NLRP7: variants seen among roughly 807,000 people sequenced by gnomAD.
NLRP7 encodes NLR family pyrin domain containing 7.
Under a neutral mutation model 85.5 loss-of-function variants are expected in NLRP7, and 72 were observed. The observed-to-expected ratio is 0.84, with a 90% CI of 0.70 to 1.02. NLRP7 has a LOEUF of 1.02. Among genes scored for constraint, NLRP7 ranks in the 50% least tolerant of loss-of-function variants. The pLI is 0.00. For missense variants in NLRP7, 1,243 were observed against 1,219.5 expected, an observed-to-expected ratio of 1.02 and a Z score of -0.29; for synonymous variants, 550 against 505.2, an observed-to-expected ratio of 1.09 and a Z score of -1.19.
chr19:54,949,757 G>A (rs1447180834), upstream of NLRP7, among the ~76,000 whole-genome samples: 1 of 152,126 alleles, frequency 6.6e-6, no homozygotes, highest in East Asian at 1.9e-4. Flanking sequence ...TGAACTGCCA[G>A]CTATGTGATC....
At chr19:54,964,883 C>T (rs1424349630) in intron 1 of NLRP7, among the ~76,000 whole-genome samples, 3 of 119,114 alleles carry the variant, frequency 2.5e-5, no homozygotes, top group Non-Finnish European at 3.6e-5. Context: ...GCTTTTCATG[C>T]GTCTCATAGT....
At chr19:54,957,114 C>T (rs544983015) in intron 1 of NLRP7, among the ~76,000 whole-genome samples, 17 of 151,996 alleles carry the variant, frequency 1.1e-4, no homozygotes, top group African/African-American at 2.7e-4. Context: ...CTCCACCTCC[C>T]GGGTTCAAGT....
chr19:54,925,055 G>A (rs564685025), intron 9 of NLRP7, among the ~76,000 whole-genome samples: 2 of 152,292 alleles, frequency 1.3e-5, no homozygotes, highest in African/African-American at 4.8e-5. Context: ...CAGCATGCAA[G>A]CCTGTGTATG....
chr19:54,943,459 G>T (rs2069324379), intron 1 of NLRP7, among the ~76,000 whole-genome samples: 1 of 151,842 alleles, frequency 6.6e-6, no homozygotes, highest in Non-Finnish European at 1.5e-5. Flanking sequence ...CAATTAGCCG[G>T]GCGTGGTGGC....
rs145142601 is a variant in NLRP7 at position 54,934,588 on chromosome 19, A to G, written c.2372T>C (p.Leu791Pro). 2.5e-6 allele frequency: 4 copies of G among 1,614,026 alleles called. No homozygotes were observed. In the African/African-American group the frequency reaches 4.0e-5, roughly 16 times the overall value. The change falls in exon 7 of 10, where the codon CTG (leucine) becomes CCG (proline). Residue 791 changes from leucine to proline, a missense_variant. Leu to Pro is a moderately conservative substitution (Grantham distance 98). Around this residue, in one of 3 missense-constraint regions of NLRP7, gnomAD observed 613 missense variants for 588.4 expected, o/e 1.04. Transcript: ENST00000340844. The surrounding 1 kb of genome is among the most constrained non-coding windows in gnomAD (Gnocchi z 6.7). ...ATTGGCTGAGAGACGCAGGTGCTTC[A>G]GGGACTGGTTGGCTTTGAGGACATA...
chr19:54,930,099 G>C (rs2068610144), intron 9 of NLRP7, among the ~76,000 whole-genome samples: 2 of 117,514 alleles, frequency 1.7e-5, no homozygotes, highest in Non-Finnish European at 3.3e-5. Flanking sequence ...TGGGCAACTA[G>C]AACGAGGCTC....
In NLRP7 at chr19:54,961,403, C is replaced by T. The variant is rs1046255225; in HGVS notation, c.-77+4637G>A. On this transcript the variant is annotated intron_variant, in intron 1 of 2. Coordinates refer to the NLRP7 transcript ENST00000587103. ...CGGGAGCCTATAATCCCAGCTAGGG[C>T]AGGAGAATCACTTGAACCCGGGAGG... Among the ~76,000 whole-genome samples the T allele has an allele frequency of 2.0e-5, 3 of 151,828 alleles. No individual in the cohort carries two copies. In the East Asian group the frequency reaches 5.8e-4, roughly 29 times the overall value.
At chr19:54,950,789 G>A (rs1196858685), upstream of NLRP7, among the ~76,000 whole-genome samples, 4 of 152,156 alleles carry the variant, frequency 2.6e-5, no homozygotes, top group African/African-American at 9.6e-5. Context: ...GCAAAGAGGT[G>A]TTCCTTCCTC....
Position 54,964,068 on chromosome 19 carries a change from A to G in NLRP7, c.-77+1972T>C, listed in dbSNP as rs529248696. 3.3e-5 allele frequency among the ~76,000 whole-genome samples: 5 copies of G among 149,870 alleles called. No individual in the cohort carries two copies. In the South Asian group the frequency reaches 1.1e-3, roughly 32 times the overall value. The stretch of plus-strand genomic sequence containing the variant: ...CTAATTTTTTGTATTTTTAGTTGAG[A>G]CGGGGTTTCATCATCTTGGCCAGGC... On this transcript the variant is annotated intron_variant, in intron 1 of 2. Coordinates refer to the NLRP7 transcript ENST00000587103.
At chr19:54,943,147 C>CAA (rs34287816) in intron 1 of NLRP7, among the ~76,000 whole-genome samples, 2 of 139,574 alleles carry the variant, frequency 1.4e-5, no homozygotes, top group African/African-American at 2.6e-5. Context: ...AACTCTATCT[C>CAA]AAAAAAAAAA....
At chr19:54,958,916 G>C (rs2365586) in intron 1 of NLRP7, among the ~76,000 whole-genome samples, 1 of 151,876 alleles carries the variant, frequency 6.6e-6, no homozygotes, top group Non-Finnish European at 1.5e-5. Flanking sequence ...CAGGGGTTTC[G>C]TGCACTGCTG....
intron 1 of NLRP7, among the ~76,000 whole-genome samples, chr19:54,952,611 TA>T (rs2069706799): frequency 6.7e-6 from 1 of 148,810 alleles, no homozygotes; most frequent in Non-Finnish European, 1.5e-5. Context: ...AAAAAAACCC[TA>T]GACCCAAACT....
At chr19:54,936,292 T>C in exon 6 of NLRP7, 1 of 1,613,872 alleles carries the variant, frequency 6.2e-7, no homozygotes, top group Non-Finnish European at 8.5e-7. Context: ...TTATGATTTC[T>C]GAGCAGGTCA....
chr19:54,963,696 C>T (rs1007428332), intron 1 of NLRP7, among the ~76,000 whole-genome samples: 49 of 151,458 alleles, frequency 3.2e-4, no homozygotes, highest in African/African-American at 1.1e-3. Context: ...CAGTGGCACG[C>T]GCCTGTAATC....
intron 8 of NLRP7, among the ~76,000 whole-genome samples, chr19:54,933,194 G>A (rs1176648659): frequency 6.6e-6 from 1 of 152,110 alleles, no homozygotes; most frequent in Non-Finnish European, 1.5e-5. Flanking sequence ...CGCCCAGGCT[G>A]GAGTGCAGTG....
chr19:54,933,812 C>T, intron 7 of NLRP7, 73 bp from the exon 8 acceptor site: 1 of 1,269,982 alleles, frequency 7.9e-7, no homozygotes, highest in Non-Finnish European at 1.2e-6. Flanking sequence ...GTGATGTCCA[C>T]ATGCTAGGGT....
At chr19:54,948,668 C>A (rs1389754854), upstream of NLRP7, among the ~76,000 whole-genome samples, 1 of 151,978 alleles carries the variant, frequency 6.6e-6, no homozygotes, top group African/African-American at 2.4e-5. Flanking sequence ...CTTCCAGGTT[C>A]AAGCAATTCT....
chr19:54,945,601 T>G (rs1469222386), intron 1 of NLRP7, among the ~76,000 whole-genome samples: 1 of 150,694 alleles, frequency 6.6e-6, no homozygotes, highest in Non-Finnish European at 1.5e-5. Context: ...CATTTTTTTC[T>G]TTTTTTCTTT....
chr19:54,955,397 GGTGGCACAT>G (rs2069819735), intron 1 of NLRP7, among the ~76,000 whole-genome samples: 1 of 152,170 alleles, frequency 6.6e-6, no homozygotes, highest in Non-Finnish European at 1.5e-5. Context: ...GGCCAGGCAT[GGTGGCACAT>G]GCCTGGAATC....
Sources: allele counts gnomAD v4.1 joint callset (sites outside exome capture counted in the v4.1 genomes callset), GRCh38; gene constraint gnomAD v4.1.1; regional missense constraint gnomAD v4.1.1; non-coding constraint Gnocchi (gnomAD v3.1); transcripts MANE v1.5; gene names NCBI Gene and HGNC (gene_info 2026-07-23, HGNC 2026-07-21).